The following LNPEP variants were observed in gnomAD, a reference collection of about 807,000 sequenced individuals.
LNPEP encodes leucyl-cystinyl aminopeptidase.
In LNPEP, 64 loss-of-function variants were observed where a neutral mutation model predicts 120.6. The observed-to-expected ratio is 0.53, with a 90% CI of 0.43 to 0.65. The LOEUF (loss-of-function observed/expected upper bound fraction) is 0.65. Among genes scored for constraint, LNPEP ranks in the 30% least tolerant of loss-of-function variants. The pLI, the probability that LNPEP is intolerant of heterozygous loss-of-function variation, is 0.00. For synonymous variants in LNPEP, 435 were observed against 425.4 expected (o/e 1.02, Z -0.28); for missense variants, 1,057 against 1,200.0 (o/e 0.88, Z 1.76).
rs1002402321 is a variant in LNPEP at position 97,034,903 on chromosome 5, T to C, written c.*6370T>C. 4.6e-5 allele frequency: 7 copies of C among 151,906 alleles called. No homozygotes were observed. The highest frequency in any genetic ancestry group is 1.7e-4 in the African/African-American group (7 of 41,358). 9.4% of individuals were successfully genotyped at this position (151,906 alleles called of 1,614,324 possible). ...ATGGTAGAATAGATGTTTGGTTTCT[T>C]TTGGGGGTGTCTGAGTGTATATGTG... On this transcript the variant is annotated 3_prime_UTR_variant, in exon 18 of 18. Transcript: ENST00000231368.
intron 1 of LNPEP, among the ~76,000 whole-genome samples, chr5:96,952,567 A>G (rs1208901142): frequency 6.6e-6 from 1 of 152,124 alleles, no homozygotes; most frequent in Non-Finnish European, 1.5e-5. Context: ...CAGGAGGGGA[A>G]TGTTCTGGCC....
chr5:96,964,654 A>T (rs933246625), intron 1 of LNPEP, among the ~76,000 whole-genome samples: 10 of 152,066 alleles, frequency 6.6e-5, no homozygotes, highest in African/African-American at 2.4e-4. Context: ...TCTGGCACTT[A>T]CTCCAAGGAA....
At chr5:97,026,139 G>T (rs1278408096) in intron 15 of LNPEP, among the ~76,000 whole-genome samples, 1 of 152,220 alleles carries the variant, frequency 6.6e-6, no homozygotes, top group Middle Eastern at 3.4e-3. Context: ...TTGTGTCAAG[G>T]ACTTAGAACA....
intron 1 of LNPEP, among the ~76,000 whole-genome samples, chr5:96,945,375 C>T (rs1297795467): frequency 6.9e-6 from 1 of 144,002 alleles, no homozygotes; most frequent in Non-Finnish European, 1.5e-5. Context: ...CACTGCACTG[C>T]AGCCTGGGCA....
chr5:97,023,760 T>C (rs1046482670), intron 14 of LNPEP, among the ~76,000 whole-genome samples: 2 of 152,176 alleles, frequency 1.3e-5, no homozygotes, highest in Admixed American at 6.5e-5. Flanking sequence ...GTAGTATTGC[T>C]GGATCATATG....
intron 11 of LNPEP, among the ~76,000 whole-genome samples, chr5:97,012,980 T>C (rs991096201): frequency 3.9e-5 from 6 of 152,192 alleles, no homozygotes; most frequent in African/African-American, 1.4e-4. Flanking sequence ...TTTGCTAACA[T>C]GACAAAAGAC....
intron 1 of LNPEP, among the ~76,000 whole-genome samples, chr5:96,963,367 C>T (rs74724171): frequency 0.038 from 5,768 of 152,222 alleles, 192 homozygotes; most frequent in Middle Eastern, 0.11. Context: ...TATATTCTGC[C>T]GGGTGTTTCC....
chr5:97,019,958 G>A (rs572100148), intron 13 of LNPEP, among the ~76,000 whole-genome samples: 10 of 152,206 alleles, frequency 6.6e-5, no homozygotes, highest in African/African-American at 2.2e-4. Context: ...TCCTTGCATC[G>A]TCAGCGTAGC....
chr5:96,984,948 C>T, intron 2 of LNPEP, 132 bp from the exon 3 acceptor site: 1 of 916,668 alleles, frequency 1.1e-6, no homozygotes, highest in Non-Finnish European at 1.7e-6. Flanking sequence ...TTGTATAAAC[C>T]TCTGCCTTTC....
At position 96,979,267 on chromosome 5, in the gene LNPEP, G is replaced by C. The variant is rs765332629; in HGVS notation, c.149G>C (p.Gly50Ala). ...GATGAGGTGGAATATGAGCCCCGGG[G>C]TTCCCGACTGCTGGTGCGGGGTCTT... ...EPDEVEYEPR[G>A]SRLLVRGLGE... Residue 50 changes from glycine (G) to alanine (A), a missense_variant, in exon 2 of 18, where the codon GGT becomes GCT. Gly to Ala is a moderately conservative substitution (Grantham distance 60). Transcript: ENST00000231368. 1 of 1,613,966 alleles carries C rather than the reference G, an allele frequency of 6.2e-7. No homozygotes were observed. Among genetic ancestry groups the C allele is most frequent in the Admixed American group, 1.7e-5 (1 of 59,998 alleles).
At chr5:97,011,500 G>GACC (rs1443242489) in intron 11 of LNPEP, among the ~76,000 whole-genome samples, 3 of 152,208 alleles carry the variant, frequency 2.0e-5, no homozygotes, top group African/African-American at 7.2e-5. Context: ...AGAGTGCTGG[G>GACC]ATTACAGGTG....
intron 1 of LNPEP, among the ~76,000 whole-genome samples, chr5:96,970,242 T>C (rs1789829075): frequency 6.6e-6 from 1 of 152,102 alleles, no homozygotes; most frequent in Non-Finnish European, 1.5e-5. Context: ...TGTTGTCTAC[T>C]TGTTCTATCA....
chr5:96,995,328 G>A (rs1028722942), intron 6 of LNPEP, among the ~76,000 whole-genome samples: 4 of 151,944 alleles, frequency 2.6e-5, no homozygotes, highest in Non-Finnish European at 5.9e-5. Flanking sequence ...TCGTCCTTTC[G>A]CTGCTGATTT....
chr5:96,961,600 T>C (rs1212322458), intron 1 of LNPEP, among the ~76,000 whole-genome samples: 1 of 152,120 alleles, frequency 6.6e-6, no homozygotes, highest in Non-Finnish European at 1.5e-5. Context: ...CACTGTGCTG[T>C]ACGTTCATCC....
intron 11 of LNPEP, among the ~76,000 whole-genome samples, chr5:97,007,958 C>T (rs746687903): frequency 6.6e-6 from 1 of 152,052 alleles, no homozygotes; most frequent in Non-Finnish European, 1.5e-5. Flanking sequence ...TGCAGTTTTA[C>T]CATAGTGGAG....
intron 1 of LNPEP, among the ~76,000 whole-genome samples, chr5:96,975,708 G>C (rs1045057555): frequency 6.6e-6 from 1 of 152,024 alleles, no homozygotes; most frequent in African/African-American, 2.4e-5. Context: ...AAATAGCTCA[G>C]TTTTATACAT....
chr5:96,990,927 AGGTTTTTGG>A lies in LNPEP; in HGVS notation c.1132-2085_1132-2077del, dbSNP rs1790375314. Among the ~76,000 whole-genome samples the A allele has an allele frequency of 2.0e-5, 3 of 152,114 alleles. No homozygotes were observed. In the South Asian group the frequency reaches 6.2e-4, roughly 31 times the overall value. On this transcript the variant is annotated intron_variant, in intron 4 of 17. Transcript: ENST00000231368. The stretch of plus-strand genomic sequence containing the variant: ...TGACAGTTTTTTGCTTTATTTTAAG[AGGTTTTTGG>A]GGAACAGGTGGTGTTCGGTTATATG...
intron 1 of LNPEP, among the ~76,000 whole-genome samples, chr5:96,974,697 C>T (rs1383395758): frequency 1.3e-5 from 2 of 151,910 alleles, no homozygotes; most frequent in South Asian, 2.1e-4. Context: ...TTCTTTGGGC[C>T]CCTGGAATCA....
intron 1 of LNPEP, among the ~76,000 whole-genome samples, chr5:96,956,256 CT>C (rs1398666542): frequency 4.6e-5 from 7 of 152,198 alleles, no homozygotes; most frequent in African/African-American, 1.7e-4. Context: ...TATAAAAACA[CT>C]AAAGATGTTG....
Sources: gnomAD v4.1 joint callset for allele counts (sites outside exome capture counted in the v4.1 genomes callset) on GRCh38, gnomAD v4.1.1 for gene constraint, MANE v1.5 for transcripts, NCBI Gene and HGNC (gene_info 2026-07-23, HGNC 2026-07-21) for gene names.